Variants in RYR2 observed in about 807,000 individuals in gnomAD.
RYR2 encodes cardiac muscle ryanodine receptor-calcium release channel.
RYR2 carries 227 observed loss-of-function variants against 601.1 expected under a neutral mutation model. The observed-to-expected ratio is 0.38, with a 90% CI of 0.34 to 0.42. RYR2 has a LOEUF of 0.42. RYR2 is among the 10% of genes least tolerant of loss of function. The pLI, the probability that RYR2 is intolerant of heterozygous loss-of-function variation, is 1.00. For missense variants in RYR2, 4,646 were observed against 6,156.5 expected (o/e 0.75, Z 8.21); for synonymous variants, 2,223 against 2,175.1 (o/e 1.02, Z -0.61).
chr1:237,147,719 C>T (rs1407300838), intron 1 of RYR2, among the ~76,000 whole-genome samples: 1 of 152,242 alleles, frequency 6.6e-6, no homozygotes, highest in Non-Finnish European at 1.5e-5. Flanking sequence ...GTATACCTGG[C>T]ACATTATCCT....
intron 2 of RYR2, among the ~76,000 whole-genome samples, chr1:237,325,147 C>T (rs925484394): frequency 9.2e-5 from 14 of 152,032 alleles, no homozygotes; most frequent in African/African-American, 2.7e-4. Context: ...GACAGTGTTG[C>T]GTGGCAGAAC....
At position 237,259,324 on chromosome 1, in the gene RYR2, A is replaced by G. The variant is rs370572636; in HGVS notation, c.49-11173A>G. Among the ~76,000 whole-genome samples, 10 of 152,202 alleles carry G rather than the reference A, an allele frequency of 6.6e-5. No homozygotes were observed. The East Asian group carries it at 1.9e-3, about 30-fold the overall frequency. On this transcript the variant is annotated intron_variant, in intron 1 of 104. Coordinates refer to ENST00000366574, the MANE Select transcript of RYR2 (RefSeq NM_001035.3). ...GGAGTTCAACACCAGTCTGGCTAACATGATGAAACTCTCTCTCTACTACAA... is the reference window on the plus strand; with the variant it reads ...GGAGTTCAACACCAGTCTGGCTAACGTGATGAAACTCTCTCTCTACTACAA...
chr1:237,727,345 A>C (rs1440009927), intron 76 of RYR2, 146 bp downstream of exon 76: 1 of 429,808 alleles, frequency 2.3e-6, no homozygotes, highest in Admixed American at 4.1e-5. Flanking sequence ...AAACTTGACT[A>C]ATTTTGTTGG....
chr1:237,516,149 T>C (rs141821229), intron 24 of RYR2, among the ~76,000 whole-genome samples: 13 of 152,110 alleles, frequency 8.5e-5, no homozygotes, highest in African/African-American at 3.1e-4. Flanking sequence ...CTCGCTCTGT[T>C]GCCTAGGCTG....
intron 16 of RYR2, among the ~76,000 whole-genome samples, chr1:237,468,820 C>T (rs1191424088): frequency 6.6e-6 from 1 of 152,160 alleles, no homozygotes; most frequent in African/African-American, 2.4e-5. Flanking sequence ...TTTTCCATTA[C>T]CCTTTACTAT....
Position 237,327,303 on chromosome 1 carries a change from GTTTA to G in RYR2, c.169-3569_169-3566del, listed in dbSNP as rs1277107529. On this transcript the variant is annotated intron_variant, in intron 2 of 104. Transcript: ENST00000366574. The stretch of plus-strand genomic sequence containing the variant: ...AATTGCCTTTGAAGATTGTTGGCGT[GTTTA>G]TTTATGCTAACTCCCACGATCTGAA... 1.3e-5 allele frequency among the ~76,000 whole-genome samples: 2 copies of G among 152,178 alleles called. 1 individual carries two copies. Among genetic ancestry groups the G allele is most frequent in the East Asian group, 3.9e-4 (2 of 5,178 alleles).
At chr1:237,643,527 C>T (rs967490226) in intron 48 of RYR2, 80 bp downstream of exon 48, 7 of 1,519,840 alleles carry the variant, frequency 4.6e-6, no homozygotes, top group Non-Finnish European at 4.5e-6. Context: ...CCGTACTCAA[C>T]ATCCCAACCT....
rs533964707 is a variant in RYR2 at position 237,184,954 on chromosome 1, CA to C, written c.49-85540del. 7.2e-4 allele frequency among the ~76,000 whole-genome samples: 109 copies of C among 151,818 alleles called. 1 individual carries two copies. The highest frequency in any genetic ancestry group is 2.5e-3 in the African/African-American group (105 of 41,328). On this transcript the variant is annotated intron_variant, in intron 1 of 104. Transcript: ENST00000366574. ...GCATGATCACAGCTCACAGCAGCCTCAAACTCTCAGGCTCAAGCAATCCTCC... is the reference window on the plus strand; with the variant it reads ...GCATGATCACAGCTCACAGCAGCCTCAACTCTCAGGCTCAAGCAATCCTCC...
intron 34 of RYR2, among the ~76,000 whole-genome samples, chr1:237,600,168 T>C (rs950389237): frequency 1.3e-5 from 2 of 152,060 alleles, no homozygotes; most frequent in African/African-American, 4.8e-5. Flanking sequence ...TCACACTAAC[T>C]GAGTTTAAAA....
intron 84 of RYR2, among the ~76,000 whole-genome samples, chr1:237,767,150 G>C (rs1401012327): frequency 1.3e-5 from 2 of 152,156 alleles, no homozygotes; most frequent in Non-Finnish European, 2.9e-5. Context: ...GCTCAGAACA[G>C]TGAACTGACT....
At chr1:237,102,118 G>T (rs537266580) in intron 1 of RYR2, among the ~76,000 whole-genome samples, 4 of 152,294 alleles carry the variant, frequency 2.6e-5, no homozygotes, top group South Asian at 2.1e-4. Flanking sequence ...TTGGTGGTGT[G>T]TGAAGGCTTC....
intron 1 of RYR2, among the ~76,000 whole-genome samples, chr1:237,112,548 CT>C (rs1669605646): frequency 6.8e-6 from 1 of 146,022 alleles, no homozygotes; most frequent in African/African-American, 2.6e-5. Flanking sequence ...TTCCCCCTAC[CT>C]CTTCTTTCTA....
At chr1:237,496,319 G>A (rs1295876059) in intron 19 of RYR2, among the ~76,000 whole-genome samples, 192 bp from the exon 20 acceptor site, 2 of 152,124 alleles carry the variant, frequency 1.3e-5, no homozygotes, top group African/African-American at 4.8e-5. Flanking sequence ...GAGGTGGGAG[G>A]ATTCCTTGAG....
rs1483463971 is a variant in RYR2 at position 237,454,535 on chromosome 1, A to G, written c.1437A>G (p.Leu479=). ...AGCATGAAGACAAACAGAACAGACT[A>G]CGAGCCCTGAAGAATCGGCAAAATC... ...HLEHEDKQNR[L]RALKNRQNLF... is the part of the protein sequence containing the mutation. The change falls in exon 15 of 105, where the codon CTA becomes CTG. Residue 479 remains leucine, a synonymous_variant. Coordinates refer to ENST00000366574, the MANE Select transcript of RYR2 (RefSeq NM_001035.3). 1.2e-6 allele frequency: 2 copies of G among 1,613,308 alleles called. No individual in the cohort carries two copies. The highest frequency in any genetic ancestry group is 1.7e-5 in the Admixed American group (1 of 59,908).
In RYR2 at chr1:237,066,888, C is replaced by T. The variant is rs192540295; in HGVS notation, c.48+24319C>T. Among the ~76,000 whole-genome samples the T allele has an allele frequency of 5.3e-5, 8 of 152,246 alleles. No homozygotes were observed. The East Asian group carries it at 9.7e-4, about 18-fold the overall frequency. On this transcript the variant is annotated intron_variant, in intron 1 of 104. Transcript: ENST00000366574. ...TCCTGACCTCGCAATCCGCCCGCCT[C>T]GGCCTCCCAAAGTGCTGGGATTACA...
chr1:237,170,047 A>G (rs746588094), intron 1 of RYR2, among the ~76,000 whole-genome samples: 3 of 152,154 alleles, frequency 2.0e-5, no homozygotes, highest in African/African-American at 4.8e-5. Flanking sequence ...CTTGAAGTTT[A>G]TTTTGGAAGA....
At chr1:237,140,377 A>G (rs1673251008) in intron 1 of RYR2, among the ~76,000 whole-genome samples, 1 of 152,226 alleles carries the variant, frequency 6.6e-6, no homozygotes, top group South Asian at 2.1e-4. Context: ...TTATAAGGCC[A>G]TGCAAATTTA....
chr1:237,050,990 A>C (rs1477551607), intron 1 of RYR2, among the ~76,000 whole-genome samples: 1 of 152,250 alleles, frequency 6.6e-6, no homozygotes. Flanking sequence ...ATGTGTGCAC[A>C]AATGAATGAA....
chr1:237,122,925 G>A (rs1305697682), intron 1 of RYR2, among the ~76,000 whole-genome samples: 1 of 151,928 alleles, frequency 6.6e-6, no homozygotes, highest in Non-Finnish European at 1.5e-5. Context: ...TGTATATAAG[G>A]GCTACAATAA....
Sources: gnomAD v4.1 joint callset for allele counts (sites outside exome capture counted in the v4.1 genomes callset) on GRCh38, gnomAD v4.1.1 for gene constraint, MANE v1.5 for transcripts, NCBI Gene and HGNC (gene_info 2026-07-23, HGNC 2026-07-21) for gene names.